ATAD5: variants seen among roughly 807,000 people sequenced by gnomAD.
ATAD5 encodes ATPase family AAA domain-containing protein 5.
In ATAD5, 58 loss-of-function variants were observed where a neutral mutation model predicts 176.9. That is an observed-to-expected ratio of 0.33 (90% confidence interval 0.27 to 0.41). ATAD5 has a LOEUF of 0.41. Ranked by LOEUF, ATAD5 falls within the 10% of genes least tolerant of loss-of-function variation. The pLI, the probability that ATAD5 is intolerant of heterozygous loss-of-function variation, is 1.00. For missense variants in ATAD5, 1,789 were observed against 2,094.1 expected, an observed-to-expected ratio of 0.85 and a Z score of 2.84; for synonymous variants, 640 against 712.6, an observed-to-expected ratio of 0.90 and a Z score of 1.62.
intron 15 of ATAD5, 109 bp downstream of exon 15, chr17:30,876,659 T>TAC: frequency 2.1e-6 from 1 of 475,876 alleles, no homozygotes; most frequent in Non-Finnish European, 3.5e-6. Context: ...AAATCTCAGC[T>TAC]ACACTGAAGG....
At chr17:30,872,677 TCTTA>T (rs2142405661) in intron 14 of ATAD5, among the ~76,000 whole-genome samples, 1 of 152,122 alleles carries the variant, frequency 6.6e-6, no homozygotes, top group African/African-American at 2.4e-5. Flanking sequence ...TGCCTCAGCC[TCTTA>T]AGTAGCTGGG....
At position 30,887,476 on chromosome 17, in the gene ATAD5, G is replaced by T. The variant is rs1193814096; in HGVS notation, c.4258+104G>T. Reference sequence around the variant, plus strand: ...TCATGCCTGTAATCCCAGCACTTTGGGGGAGTGAGGTGGGAGGATCTCTTG... The same window carrying T: ...TCATGCCTGTAATCCCAGCACTTTGTGGGAGTGAGGTGGGAGGATCTCTTG... On this transcript the variant is annotated intron_variant, in intron 19 of 22. Coordinates refer to ENST00000321990, the MANE Select transcript of ATAD5 (RefSeq NM_024857.5). 8.5e-6 allele frequency: 8 copies of T among 935,990 alleles called. No individual in the cohort carries two copies. The Admixed American group carries it at 2.0e-4, about 24-fold the overall frequency. The allele number at this position is 935,990 out of a possible 1,614,324, so 58.0% of individuals were successfully genotyped here.
At position 30,844,030 on chromosome 17, in the gene ATAD5, A is replaced by G. The variant is rs376382141; in HGVS notation, c.2359A>G (p.Asn787Asp). The change falls in exon 5 of 23, where the codon AAT (asparagine) becomes GAT (aspartate). Residue 787 changes from asparagine (N) to aspartate (D), a missense_variant. Transcript: ENST00000321990. Reference sequence around the variant, plus strand: ...AAAAAAACTTAACACATCCACTAAAAATGTACCTGGTAATCAGAGTTAATA... The same window carrying G: ...AAAAAAACTTAACACATCCACTAAAGATGTACCTGGTAATCAGAGTTAATA... ...LGKKLNTSTKNVPGKMKVAPL... is the reference protein window; with the variant it reads ...LGKKLNTSTKDVPGKMKVAPL... 412 of 1,540,804 alleles carry G rather than the reference A, an allele frequency of 2.7e-4. No individual in the cohort carries two copies. Among genetic ancestry groups the G allele is most frequent in the Non-Finnish European group, 3.4e-4 (390 of 1,148,918 alleles).
chr17:30,833,432 T>G (rs1286616398), intron 1 of ATAD5, among the ~76,000 whole-genome samples: 4 of 152,226 alleles, frequency 2.6e-5, no homozygotes, highest in Non-Finnish European at 4.4e-5. Flanking sequence ...TTTTGCTTAA[T>G]AGCAACCCTA....
chr17:30,882,296 C>T (rs908954042), intron 18 of ATAD5, among the ~76,000 whole-genome samples: 5 of 151,752 alleles, frequency 3.3e-5, no homozygotes, highest in Non-Finnish European at 7.4e-5. Flanking sequence ...GGGGCTGTGG[C>T]TTATGCCTAT....
chr17:30,865,041 A>G (rs1052106914), intron 10 of ATAD5: 1 of 150,640 alleles, frequency 6.6e-6, no homozygotes, highest in African/African-American at 2.4e-5. Context: ...TGTTCTAAAT[A>G]TAAACATGTG....
intron 11 of ATAD5, among the ~76,000 whole-genome samples, chr17:30,866,887 A>G (rs1026500176): frequency 2.0e-5 from 3 of 152,280 alleles, no homozygotes; most frequent in African/African-American, 7.2e-5. Context: ...CATTAGGGGT[A>G]TTATGTAATA....
chr17:30,847,953 C>T (rs1906632863), intron 6 of ATAD5, among the ~76,000 whole-genome samples: 1 of 152,042 alleles, frequency 6.6e-6, no homozygotes, highest in Admixed American at 6.6e-5. Context: ...ATCTCCTGAC[C>T]TCATGATCCA....
rs2142445252 is a variant in ATAD5, at chr17:30,887,276, G to A, written c.4162G>A (p.Ala1388Thr). Residue 1388 changes from alanine to threonine, a missense_variant, in exon 19 of 23, where the codon GCA (alanine) becomes ACA (threonine). Physicochemically the swap from Ala to Thr is moderately conservative, Grantham distance 58. Transcript: ENST00000321990. ...DVKDFVTLLT[A>T]NTCDIRKSIL... ...AAAAGACTTTGTAACCTTGTTAACT[G>A]CAAATACTTGTGATATCAGAAAAAG... 6.2e-7 allele frequency: 1 copy of A among 1,606,786 alleles called. No individual in the cohort carries two copies. Among genetic ancestry groups the A allele is most frequent in the South Asian group, 1.1e-5 (1 of 89,518 alleles).
At chr17:30,882,362 A>C (rs936676944) in intron 18 of ATAD5, among the ~76,000 whole-genome samples, 3 of 152,178 alleles carry the variant, frequency 2.0e-5, no homozygotes, top group Admixed American at 2.0e-4. Flanking sequence ...CAGAAGTTCA[A>C]GACCAGCCTG....
intron 19 of ATAD5, 38 bp downstream of exon 19, chr17:30,887,410 G>A: frequency 8.4e-6 from 13 of 1,539,876 alleles, no homozygotes; most frequent in Non-Finnish European, 1.1e-5. Flanking sequence ...TCTATTATGG[G>A]ACCCTATTTA....
intron 11 of ATAD5, among the ~76,000 whole-genome samples, chr17:30,867,770 C>A (rs1275044555): frequency 6.6e-6 from 1 of 152,050 alleles, no homozygotes; most frequent in African/African-American, 2.4e-5. Flanking sequence ...CACCAACATG[C>A]CTGGCTAATG....
At chr17:30,846,475 T>C (rs1367929033) in intron 6 of ATAD5, among the ~76,000 whole-genome samples, 1 of 151,212 alleles carries the variant, frequency 6.6e-6, no homozygotes, top group Non-Finnish European at 1.5e-5. Flanking sequence ...TGATCTCGGC[T>C]CACTGCAACC....
intron 14 of ATAD5, among the ~76,000 whole-genome samples, chr17:30,871,746 C>T (rs1406636281): frequency 6.6e-6 from 1 of 152,080 alleles, no homozygotes; most frequent in African/African-American, 2.4e-5. Context: ...CCTGATAATT[C>T]TGATTGCATG....
In ATAD5 at chr17:30,840,195, T is replaced by TAAAA. The variant is rs55696194; in HGVS notation, c.2077-401_2077-398dup. 4.9e-4 allele frequency among the ~76,000 whole-genome samples: 52 copies of TAAAA among 105,998 alleles called. 1 individual carries two copies. Among genetic ancestry groups the TAAAA allele is most frequent in the South Asian group, 9.0e-4 (3 of 3,332 alleles). 69.5% of individuals were successfully genotyped at this position (105,998 alleles called of 152,430 possible). A position where few individuals can be genotyped will look rare whatever the true frequency, so the allele number is the denominator to read the frequency against. ...CCTTGGCAGCAGAGCTAGACTCTGTTAAAAAAAAAAAAAAAAAAAAAAAAC... is the reference window on the plus strand; with the variant it reads ...CCTTGGCAGCAGAGCTAGACTCTGTTAAAAAAAAAAAAAAAAAAAAAAAAAAAAC... On this transcript the variant is annotated intron_variant, in intron 3 of 22. Transcript: ENST00000321990.
chr17:30,857,666 T>A (rs1443671411), intron 8 of ATAD5, among the ~76,000 whole-genome samples: 1 of 152,104 alleles, frequency 6.6e-6, no homozygotes, highest in Non-Finnish European at 1.5e-5. Flanking sequence ...GGTCATATAA[T>A]CTAATAGATA....
chr17:30,886,525 G>A (rs1478235754), intron 18 of ATAD5, among the ~76,000 whole-genome samples: 3 of 151,828 alleles, frequency 2.0e-5, no homozygotes, highest in East Asian at 1.9e-4. Context: ...TCAGCCTCCC[G>A]AGTAGCTGGG....
At chr17:30,886,626 GGCCAGGCACAGT>G (rs1909339812) in intron 18 of ATAD5, among the ~76,000 whole-genome samples, 1 of 151,580 alleles carries the variant, frequency 6.6e-6, no homozygotes. Flanking sequence ...TCAATTTCTT[GGCCAGGCACAGT>G]GGGTCATGCC....
chr17:30,870,343 T>C (rs1453478571), intron 14 of ATAD5, among the ~76,000 whole-genome samples: 1 of 152,198 alleles, frequency 6.6e-6, no homozygotes, highest in Non-Finnish European at 1.5e-5. Context: ...ATGAAATTCT[T>C]CACATTCTGG....
Sources: gnomAD v4.1 joint callset for allele counts (sites outside exome capture counted in the v4.1 genomes callset) on GRCh38, gnomAD v4.1.1 for gene constraint, MANE v1.5 for transcripts, NCBI Gene and HGNC (gene_info 2026-07-23, HGNC 2026-07-21) for gene names.